Variants in DOCK2 observed in about 807,000 individuals in gnomAD.
The protein encoded by DOCK2 is dedicator of cytokinesis protein 2.
A neutral mutation model predicts 248.9 loss-of-function variants in DOCK2; 87 were observed. The ratio of observed to expected loss-of-function variants is 0.35; its 90% confidence interval spans 0.29 to 0.42. DOCK2 has a LOEUF of 0.42. Among genes scored for constraint, DOCK2 ranks in the 10% least tolerant of loss-of-function variants. The probability of loss-of-function intolerance (pLI) is 1.00; values close to 1 mark genes in which losing one functional copy is unlikely to be tolerated. For missense variants in DOCK2, 1,747 were observed against 2,300.2 expected (o/e 0.76, Z 4.92); for synonymous variants, 805 against 821.6 (o/e 0.98, Z 0.35).
intron 18 of DOCK2, 70 bp from the exon 19 acceptor site, chr5:169,714,290 A>G (rs1349455381): frequency 3.7e-6 from 6 of 1,610,640 alleles, no homozygotes; most frequent in Admixed American, 1.7e-5. Context: ...GTGCTTGCAG[A>G]CCCAAGGAGG....
chr5:170,002,670 G>A (rs1330180912), intron 30 of DOCK2, among the ~76,000 whole-genome samples: 2 of 152,148 alleles, frequency 1.3e-5, no homozygotes, highest in African/African-American at 4.8e-5. Context: ...ATGACTTTGG[G>A]TGGTCTTTTA....
At chr5:169,885,127 A>G (rs1772898826) in intron 27 of DOCK2, among the ~76,000 whole-genome samples, 1 of 152,020 alleles carries the variant, frequency 6.6e-6, no homozygotes, top group African/African-American at 2.4e-5. Flanking sequence ...TTACTCACAC[A>G]CCCAGTGCCA....
At position 170,034,574 on chromosome 5, in the gene DOCK2, T is replaced by G. The variant is rs958818294; in HGVS notation, c.3624+19T>G. Reference sequence around the variant, plus strand: ...CCTGCTGGTGCGTGGGGCTGGCGGGTCCAAGTCAGACCAGAACCCTGTGGG... The same window carrying G: ...CCTGCTGGTGCGTGGGGCTGGCGGGGCCAAGTCAGACCAGAACCCTGTGGG... On this transcript the variant is annotated intron_variant, in intron 35 of 51. Transcript: ENST00000520908. 1.9e-6 allele frequency: 3 copies of G among 1,613,302 alleles called. No individual in the cohort carries two copies. Among genetic ancestry groups the G allele is most frequent in the East Asian group, 2.2e-5 (1 of 44,842 alleles).
intron 27 of DOCK2, among the ~76,000 whole-genome samples, chr5:169,854,020 A>G (rs1561765988): frequency 6.6e-6 from 1 of 150,810 alleles, no homozygotes; most frequent in Admixed American, 6.6e-5. Context: ...TGTTATTAGT[A>G]GAGATGGGGT....
intron 27 of DOCK2, among the ~76,000 whole-genome samples, chr5:169,874,410 CAAAAAAAA>C (rs34525811): frequency 2.8e-5 from 2 of 72,032 alleles, no homozygotes; most frequent in African/African-American, 1.2e-4. Context: ...GACTCTGTCT[CAAAAAAAA>C]AAAAAAAAAA....
At chr5:169,839,192 C>T (rs1224419792) in intron 26 of DOCK2, among the ~76,000 whole-genome samples, 1 of 152,160 alleles carries the variant, frequency 6.6e-6, no homozygotes, top group Non-Finnish European at 1.5e-5. Flanking sequence ...AGCTAAACAG[C>T]ATGTCACATC....
intron 25 of DOCK2, among the ~76,000 whole-genome samples, chr5:169,765,654 T>G (rs769749501): frequency 6.6e-5 from 10 of 152,198 alleles, no homozygotes; most frequent in Admixed American, 2.0e-4. Context: ...TGCTAGAGAT[T>G]TCTCTTCAAA....
At chr5:169,986,009 C>A in intron 29 of DOCK2, 87 bp downstream of exon 29, 3 of 1,244,146 alleles carry the variant, frequency 2.4e-6, no homozygotes, top group East Asian at 2.5e-5. Flanking sequence ...GGGACAATTT[C>A]TCCTTGCTGA....
intron 1 of DOCK2, among the ~76,000 whole-genome samples, chr5:169,649,663 C>T (rs779663253): frequency 1.9e-4 from 29 of 152,290 alleles, no homozygotes; most frequent in South Asian, 6.2e-4. Flanking sequence ...GGTTTGAATC[C>T]GCTTTCTGCC....
chr5:170,005,531 C>G (rs952435950), intron 30 of DOCK2, among the ~76,000 whole-genome samples: 1 of 152,064 alleles, frequency 6.6e-6, no homozygotes, highest in East Asian at 1.9e-4. Flanking sequence ...TGGTGGATGC[C>G]TCATGCTTGT....
chr5:169,995,993 C>G (rs1210874634), intron 29 of DOCK2, 93 bp from the exon 30 acceptor site: 7 of 1,391,722 alleles, frequency 5.0e-6, no homozygotes, highest in Non-Finnish European at 5.9e-6. Flanking sequence ...AGCCTCTCTC[C>G]AAAGAGGGTA....
In DOCK2 at chr5:169,714,434, G is replaced by A; in HGVS notation, c.1918G>A (p.Val640Met). ...GGAGAATTTAGAAAAGTTGAAGATTGTGGATGGAGAGGAAGTGGTGAAGGT... is the reference window on the plus strand; with the variant it reads ...GGAGAATTTAGAAAAGTTGAAGATTATGGATGGAGAGGAAGTGGTGAAGGT... ...LQENLEKLKI[V>M]DGEEVVKFLQ... is the part of the protein sequence containing the mutation. The change falls in exon 19 of 52, where the codon GTG becomes ATG. Residue 640 changes from valine to methionine, a missense_variant. Transcript: ENST00000520908. 1 of 1,614,108 alleles carries A rather than the reference G, an allele frequency of 6.2e-7. No homozygotes were observed. The highest frequency in any genetic ancestry group is 8.5e-7 in the Non-Finnish European group (1 of 1,179,968).
At chr5:169,752,797 T>C (rs911724693) in intron 23 of DOCK2, among the ~76,000 whole-genome samples, 3 of 152,030 alleles carry the variant, frequency 2.0e-5, no homozygotes, top group Admixed American at 6.6e-5. Context: ...CCGGGCGCCG[T>C]GACTCACGCC....
intron 27 of DOCK2, among the ~76,000 whole-genome samples, chr5:169,862,762 CTA>C (rs1217035972): frequency 3.3e-5 from 5 of 152,234 alleles, no homozygotes; most frequent in African/African-American, 1.2e-4. Context: ...CACTGCATCA[CTA>C]TGACAGGGGA....
intron 28 of DOCK2, among the ~76,000 whole-genome samples, chr5:169,983,740 C>G (rs1777997750): frequency 2.6e-5 from 4 of 152,182 alleles, no homozygotes; most frequent in African/African-American, 9.7e-5. Context: ...TCCTTTCTCT[C>G]TGTCTTGTTG....
chr5:169,773,610 A>G (rs1178120777), intron 25 of DOCK2, among the ~76,000 whole-genome samples: 1 of 152,104 alleles, frequency 6.6e-6, no homozygotes, highest in African/African-American at 2.4e-5. Flanking sequence ...ATTTATATAA[A>G]TCTTTATAAG....
At chr5:169,712,251 C>T (rs1453480051) in intron 17 of DOCK2, 28 bp downstream of exon 17, 6 of 1,606,674 alleles carry the variant, frequency 3.7e-6, no homozygotes, top group Non-Finnish European at 4.3e-6. Flanking sequence ...GAGCTCTGCA[C>T]TGAGGGGAGT....
intron 47 of DOCK2, among the ~76,000 whole-genome samples, chr5:170,076,444 G>A (rs907030541): frequency 2.0e-5 from 3 of 152,222 alleles, no homozygotes; most frequent in Non-Finnish European, 2.9e-5. Context: ...AGGCAGGAAA[G>A]ATTTTTAATC....
intron 25 of DOCK2, among the ~76,000 whole-genome samples, chr5:169,793,454 G>T (rs571469441): frequency 6.6e-6 from 1 of 152,244 alleles, no homozygotes; most frequent in Admixed American, 6.5e-5. Context: ...CTTACTAGCT[G>T]TGTGATTTTA....
Sources: gnomAD v4.1 joint callset for allele counts (sites outside exome capture counted in the v4.1 genomes callset) on GRCh38, gnomAD v4.1.1 for gene constraint, MANE v1.5 for transcripts, NCBI Gene and HGNC (gene_info 2026-07-23, HGNC 2026-07-21) for gene names.